MED12L: variants seen among roughly 807,000 people sequenced by gnomAD.
MED12L encodes mediator of RNA polymerase II transcription subunit 12-like protein.
MED12L carries 60 observed loss-of-function variants against 281.3 expected under a neutral mutation model. The observed-to-expected ratio is 0.21, with a 90% CI of 0.17 to 0.26. MED12L has a LOEUF of 0.26. Ranked by LOEUF, MED12L falls within the 10% of genes least tolerant of loss-of-function variation. The pLI is 1.00. For synonymous variants in MED12L, 974 were observed against 987.2 expected (o/e 0.99, Z 0.25); for missense variants, 2,146 against 2,680.9 (o/e 0.80, Z 4.41).
chr3:151,309,141 G>GCACACACACACACACACACACACGCA (rs1553775156), intron 16 of MED12L, among the ~76,000 whole-genome samples: 2 of 147,508 alleles, frequency 1.4e-5, no homozygotes, highest in African/African-American at 5.0e-5. Flanking sequence ...ACACACACAC[G>GCACACACACACACACACACACACGCA]CACACACACA....
At chr3:151,323,364 T>C (rs1440898912) in intron 16 of MED12L, among the ~76,000 whole-genome samples, 1 of 152,224 alleles carries the variant, frequency 6.6e-6, no homozygotes, top group East Asian at 1.9e-4. Flanking sequence ...CATGTGGTTC[T>C]TCACCTTAGA....
intron 8 of MED12L, among the ~76,000 whole-genome samples, chr3:151,160,948 A>G (rs1020882806): frequency 6.6e-6 from 1 of 152,216 alleles, no homozygotes; most frequent in Non-Finnish European, 1.5e-5. Flanking sequence ...GGCAGGGGAA[A>G]CACTATGGGA....
At chr3:151,108,910 A>G (rs1711499323) in intron 2 of MED12L, among the ~76,000 whole-genome samples, 1 of 152,180 alleles carries the variant, frequency 6.6e-6, no homozygotes. Flanking sequence ...CTAGCATCAA[A>G]ATGTTTTCAC....
intron 16 of MED12L, chr3:151,336,627 T>C: frequency 2.2e-6 from 1 of 445,704 alleles, no homozygotes; most frequent in East Asian, 7.0e-5. Flanking sequence ...ATAGCGAATA[T>C]GCCTTGTGTA....
chr3:151,301,064 G>A (rs969251251), intron 16 of MED12L, among the ~76,000 whole-genome samples: 52 of 152,306 alleles, frequency 3.4e-4, no homozygotes, highest in African/African-American at 1.2e-3. Flanking sequence ...GCTCCGGTAT[G>A]TGGTACACAG....
rs112728718 is a variant in MED12L, at chr3:151,137,398, C to T, written c.556+9414C>T. Among the ~76,000 whole-genome samples the T allele has an allele frequency of 2.7e-3, 404 of 152,134 alleles. 5 individuals are homozygous for T. The highest frequency in any genetic ancestry group is 9.2e-3 in the African/African-American group (383 of 41,510). ...TTCTGGCACAGAAAGATGTCCCAGG[C>T]GCTTGTAATTTTCCTGCCTCAGATC... On this transcript the variant is annotated intron_variant, in intron 5 of 44. Transcript: ENST00000687756.
intron 16 of MED12L, among the ~76,000 whole-genome samples, chr3:151,343,746 GTGGCTTAACTGGTTTGT>G (rs71959066): frequency 0.39 from 59,635 of 151,542 alleles, 11,939 homozygotes; most frequent in African/African-American, 0.47. Flanking sequence ...TTACTTTTAA[GTGGCTTAACTGGTTTGT>G]TTATTTTACC....
Position 151,350,161 on chromosome 3 carries a change from G to A in MED12L, c.2353G>A (p.Asp785Asn). 1 of 1,613,756 alleles carries A rather than the reference G, an allele frequency of 6.2e-7. No homozygotes were observed. Among genetic ancestry groups the A allele is most frequent in the Non-Finnish European group, 8.5e-7 (1 of 1,179,792 alleles). The change falls in exon 17 of 45, where the codon GAT becomes AAT. Residue 785 changes from aspartate (D) to asparagine (N), a missense_variant. Asp to Asn is a conservative substitution (Grantham distance 23). This residue lies in a region of MED12L where 404 missense variants were observed against 603.5 expected (regional missense o/e 0.67). Transcript: ENST00000687756. Reference protein sequence around the residue: ...ARHQLKKITKDILKILNKKST... With the variant: ...ARHQLKKITKNILKILNKKST... ...GCATCAGCTGAAGAAGATTACCAAA[G>A]ATATCCTGAAAATTCTAAATAAGAA...
chr3:151,116,544 C>A, intron 3 of MED12L, 102 bp downstream of exon 3: 1 of 735,030 alleles, frequency 1.4e-6, no homozygotes, highest in Non-Finnish European at 2.3e-6. Context: ...AGCCACAGTC[C>A]ATATTCAGAT....
intron 5 of MED12L, among the ~76,000 whole-genome samples, chr3:151,152,121 A>T (rs1345259067): frequency 2.3e-5 from 2 of 85,732 alleles, no homozygotes; most frequent in Non-Finnish European, 4.0e-5. Flanking sequence ...TTTTTTGGAG[A>T]CAGGGTCTCA....
intron 39 of MED12L, among the ~76,000 whole-genome samples, chr3:151,397,377 C>T (rs991959092): frequency 2.0e-5 from 3 of 152,156 alleles, no homozygotes; most frequent in African/African-American, 7.2e-5. Flanking sequence ...GAAATGCATA[C>T]ATTATGCAGT....
At chr3:151,195,729 T>C (rs967318060) in intron 16 of MED12L, among the ~76,000 whole-genome samples, 1 of 152,250 alleles carries the variant, frequency 6.6e-6, no homozygotes, top group Admixed American at 6.5e-5. Context: ...GTCCGGAGTT[T>C]ATTTAATAGT....
intron 43 of MED12L, among the ~76,000 whole-genome samples, chr3:151,419,380 G>C (rs191439188): frequency 6.6e-6 from 1 of 152,188 alleles, no homozygotes; most frequent in Non-Finnish European, 1.5e-5. Context: ...TTGAGGGCAG[G>C]AAGCATCCAA....
intron 5 of MED12L, among the ~76,000 whole-genome samples, chr3:151,140,163 T>C (rs1716718878): frequency 6.6e-6 from 1 of 152,222 alleles, no homozygotes; most frequent in South Asian, 2.1e-4. Context: ...AGATGTTCTT[T>C]GTAAAAATTG....
chr3:151,100,378 A>G (rs911136509), intron 2 of MED12L, among the ~76,000 whole-genome samples: 1 of 152,222 alleles, frequency 6.6e-6, no homozygotes, highest in African/African-American at 2.4e-5. Context: ...CATTTCATTC[A>G]TGGATAATCT....
chr3:151,233,534 G>C (rs1258631842), intron 16 of MED12L, among the ~76,000 whole-genome samples: 1 of 152,190 alleles, frequency 6.6e-6, no homozygotes, highest in African/African-American at 2.4e-5. Flanking sequence ...GGGAGTTTGA[G>C]ACCAGCCTGA....
At position 151,360,599 on chromosome 3, in the gene MED12L, T is replaced by C; in HGVS notation, c.2951T>C (p.Leu984Pro). 6.2e-7 allele frequency: 1 copy of C among 1,611,864 alleles called. No individual in the cohort carries two copies. Among genetic ancestry groups the C allele is most frequent in the Non-Finnish European group, 8.5e-7 (1 of 1,178,652 alleles). ...CACCTCAGAAGTAAATTTGGAGACC[T>C]CTTCAGGTGAGTAGAAGAGACTCAA... The part of the protein sequence containing the change: ...CSHLRSKFGD[L>P]FSSACSKVKQ... The change falls in exon 21 of 45, where the codon CTC becomes CCC. Residue 984 changes from leucine to proline, a missense_variant. Leu to Pro is a moderately conservative substitution (Grantham distance 98, BLOSUM62 -3). Transcript: ENST00000687756.
intron 5 of MED12L, among the ~76,000 whole-genome samples, chr3:151,151,097 C>T (rs563083296): frequency 7.3e-5 from 9 of 123,524 alleles, no homozygotes; most frequent in East Asian, 2.7e-4. Flanking sequence ...AGTGCAGTGG[C>T]GCCATCTGGG....
At position 151,213,535 on chromosome 3, in the gene MED12L, G is replaced by T. The variant is rs147553856; in HGVS notation, c.2250+19869G>T. ...TGACTGGCAGCTGTAATGAGCTTCG[G>T]TCTGACTCTTTGTGTAGGGGATTCT... On this transcript the variant is annotated intron_variant, in intron 16 of 44. Transcript: ENST00000687756. 6 of 1,614,028 alleles carry T rather than the reference G, an allele frequency of 3.7e-6. No homozygotes were observed. In the African/African-American group the frequency reaches 8.0e-5, roughly 22 times the overall value.
Sources: allele counts gnomAD v4.1 joint callset (sites outside exome capture counted in the v4.1 genomes callset), GRCh38; gene constraint gnomAD v4.1.1; regional missense constraint gnomAD v4.1.1; transcripts MANE v1.5; gene names NCBI Gene and HGNC (gene_info 2026-07-23, HGNC 2026-07-21).